Variants in FLT1 observed in about 807,000 individuals in gnomAD.
FLT1 encodes fms related receptor tyrosine kinase 1.
In FLT1, 49 loss-of-function variants were observed where a neutral mutation model predicts 156.3. The observed-to-expected ratio is 0.31, with a 90% confidence interval of 0.25 to 0.40. The LOEUF is 0.40. Ranked by LOEUF, FLT1 falls within the 10% of genes least tolerant of loss-of-function variation. The probability of loss-of-function intolerance (pLI) is 1.00; values close to 1 mark genes in which losing one functional copy is unlikely to be tolerated. For missense variants in FLT1, 1,322 were observed against 1,637.2 expected (o/e 0.81, Z 3.32); for synonymous variants, 594 against 583.8 (o/e 1.02, Z -0.25).
chr13:28,443,825 A>G (rs1410374823), intron 3 of FLT1, among the ~76,000 whole-genome samples: 2 of 152,250 alleles, frequency 1.3e-5, no homozygotes, highest in Admixed American at 1.3e-4. Flanking sequence ...AGGTTCTTCC[A>G]TGACTTACAC....
intron 15 of FLT1, among the ~76,000 whole-genome samples, chr13:28,357,052 T>C (rs942969867): frequency 2.6e-5 from 4 of 152,242 alleles, no homozygotes; most frequent in African/African-American, 9.6e-5. Context: ...TTCTTTCTGA[T>C]AATATATTAC....
chr13:28,469,674 T>C (rs1880041751), intron 1 of FLT1, among the ~76,000 whole-genome samples: 1 of 152,382 alleles, frequency 6.6e-6, no homozygotes, highest in Non-Finnish European at 1.5e-5. Context: ...TTTTGCTGGG[T>C]ATATAATTTC....
At chr13:28,491,415 A>C (rs913237532) in intron 1 of FLT1, among the ~76,000 whole-genome samples, 2 of 152,202 alleles carry the variant, frequency 1.3e-5, no homozygotes, top group Non-Finnish European at 2.9e-5. Context: ...AGGGGTTTAA[A>C]ATGACTGCTA....
intron 10 of FLT1, among the ~76,000 whole-genome samples, chr13:28,424,781 T>C (rs535062549): frequency 2.0e-5 from 3 of 152,332 alleles, no homozygotes; most frequent in African/African-American, 7.2e-5. Context: ...CAATCTCTTT[T>C]GATGATCATG....
chr13:28,493,622 AC>A (rs1376089322), intron 1 of FLT1, among the ~76,000 whole-genome samples: 1 of 152,076 alleles, frequency 6.6e-6, no homozygotes, highest in Non-Finnish European at 1.5e-5. Flanking sequence ...TTCATATTTT[AC>A]CTTTTCTCCA....
chr13:28,377,237 T>C (rs555476000), intron 14 of FLT1, among the ~76,000 whole-genome samples: 1 of 152,330 alleles, frequency 6.6e-6, no homozygotes, highest in East Asian at 1.9e-4. Context: ...CCCAGTTGCT[T>C]CTTTACTCAG....
At chr13:28,421,539 T>C (rs1255055856) in intron 10 of FLT1, among the ~76,000 whole-genome samples, 1 of 152,098 alleles carries the variant, frequency 6.6e-6, no homozygotes, top group African/African-American at 2.4e-5. Context: ...CTGCACTTTT[T>C]TTTTTCCTTA....
intron 14 of FLT1, among the ~76,000 whole-genome samples, chr13:28,384,163 G>A (rs1339043640): frequency 6.6e-6 from 1 of 152,164 alleles, no homozygotes; most frequent in Non-Finnish European, 1.5e-5. Context: ...GCCAGACGCA[G>A]TGGCATGCGC....
At chr13:28,419,113 G>A (rs1413627965) in intron 10 of FLT1, among the ~76,000 whole-genome samples, 1 of 152,158 alleles carries the variant, frequency 6.6e-6, no homozygotes, top group East Asian at 1.9e-4. Flanking sequence ...GTCCTAGGAG[G>A]CTTCTAGAGA....
intron 10 of FLT1, among the ~76,000 whole-genome samples, chr13:28,407,180 A>G (rs1443626989): frequency 6.6e-6 from 1 of 152,084 alleles, no homozygotes; most frequent in Non-Finnish European, 1.5e-5. Flanking sequence ...GCGCCCCATA[A>G]ACATTTGCAC....
chr13:28,319,138 A>G (rs1018822085), intron 24 of FLT1, among the ~76,000 whole-genome samples: 1 of 152,186 alleles, frequency 6.6e-6, no homozygotes, highest in African/African-American at 2.4e-5. Flanking sequence ...AAAGTACAGA[A>G]AAAGTACTTT....
chr13:28,394,624 T>A (rs899611043), intron 12 of FLT1, among the ~76,000 whole-genome samples: 1 of 152,166 alleles, frequency 6.6e-6, no homozygotes, highest in African/African-American at 2.4e-5. Flanking sequence ...GTGAGCATGA[T>A]GTTCCCCTTT....
chr13:28,457,380 C>T lies in FLT1; in HGVS notation c.388+9523G>A, dbSNP rs377496249. 5.9e-5 allele frequency among the ~76,000 whole-genome samples: 9 copies of T among 151,872 alleles called. No individual in the cohort carries two copies. The East Asian group carries it at 7.7e-4, about 13-fold the overall frequency. ...CAAAGTCAAAGACCTAGTGAGTATC[C>T]GAACAGGGATTTGAAAGCAGTCTGA... On this transcript the variant is annotated intron_variant, in intron 3 of 29. Transcript: ENST00000282397.
chr13:28,468,449 A>C (rs980734860), intron 1 of FLT1, among the ~76,000 whole-genome samples: 1 of 152,174 alleles, frequency 6.6e-6, no homozygotes, highest in Non-Finnish European at 1.5e-5. Context: ...CTCTTTCCAG[A>C]TCTCAGTTAT....
intron 3 of FLT1, among the ~76,000 whole-genome samples, chr13:28,454,293 T>C (rs1481169116): frequency 2.6e-5 from 4 of 152,158 alleles, no homozygotes; most frequent in African/African-American, 7.2e-5. Context: ...AGTCTCCTAA[T>C]AGCCCCTGAA....
intron 20 of FLT1, 63 bp from the exon 21 acceptor site, chr13:28,323,009 T>C (rs1373662930): frequency 1.9e-6 from 3 of 1,552,116 alleles, no homozygotes; most frequent in African/African-American, 2.7e-5. Flanking sequence ...GGGAAACCAG[T>C]CCCTCAACTG....
At chr13:28,416,402 A>G (rs1566015538) in intron 10 of FLT1, among the ~76,000 whole-genome samples, 1 of 152,346 alleles carries the variant, frequency 6.6e-6, no homozygotes, top group East Asian at 1.9e-4. Context: ...ATGTCTAAGT[A>G]GTTGTGACAC....
In FLT1 at chr13:28,436,501, A is replaced by C. The variant is rs532287173; in HGVS notation, c.513+1720T>G. ...ATTGTGCACTCCAGATCGTAGGCAG[A>C]AAAAACAGTAAATAGACTCCCACCA... On this transcript the variant is annotated intron_variant, in intron 4 of 29. Coordinates refer to ENST00000282397, the MANE Select transcript of FLT1 (RefSeq NM_002019.4). 5.9e-5 allele frequency among the ~76,000 whole-genome samples: 9 copies of C among 152,314 alleles called. No homozygotes were observed. The South Asian group carries it at 1.7e-3, about 28-fold the overall frequency.
intron 19 of FLT1, among the ~76,000 whole-genome samples, chr13:28,328,689 C>T (rs905090014): frequency 2.6e-5 from 4 of 152,194 alleles, no homozygotes; most frequent in Non-Finnish European, 5.9e-5. Flanking sequence ...CCGCAGAGTT[C>T]GGCTCCCGCA....
Sources: gnomAD v4.1 joint callset for allele counts (sites outside exome capture counted in the v4.1 genomes callset) on GRCh38, gnomAD v4.1.1 for gene constraint, MANE v1.5 for transcripts, NCBI Gene and HGNC (gene_info 2026-07-23, HGNC 2026-07-21) for gene names.